The following SATB2 variants were observed in gnomAD, a reference collection of about 807,000 sequenced individuals.
The protein encoded by SATB2 is SATB homeobox 2, also known as DNA-binding protein SATB2.
SATB2 carries 1 observed loss-of-function variant against 73.4 expected under a neutral mutation model. The ratio of observed to expected loss-of-function variants is 0.01; its 90% CI spans 0.00 to 0.06. The LOEUF (loss-of-function observed/expected upper bound fraction) is 0.06, where lower values mean the gene tolerates loss of function less well. Ranked by LOEUF, SATB2 falls within the 10% of genes least tolerant of loss-of-function variation. SATB2 has a pLI of 1.00. For synonymous variants in SATB2, 397 were observed against 367.0 expected, an observed-to-expected ratio of 1.08 and a Z score of -0.93; for missense variants, 459 against 945.8, an observed-to-expected ratio of 0.49 and a Z score of 6.75.
chr2:199,293,026 G>C (rs1487885343), intron 10 of SATB2, among the ~76,000 whole-genome samples: 1 of 152,044 alleles, frequency 6.6e-6, no homozygotes, highest in Non-Finnish European at 1.5e-5. Context: ...AAAAGCCTTA[G>C]GGGAATTAAT....
intron 7 of SATB2, among the ~76,000 whole-genome samples, chr2:199,344,640 C>T (rs1688598909): frequency 6.6e-6 from 1 of 152,218 alleles, no homozygotes; most frequent in Non-Finnish European, 1.5e-5. Context: ...TGTGTTTCTT[C>T]CTTGCTCCCA....
At chr2:199,409,167 CTTTTT>C (rs67330007) in intron 3 of SATB2, among the ~76,000 whole-genome samples, 1 of 115,244 alleles carries the variant, frequency 8.7e-6, no homozygotes, top group African/African-American at 3.0e-5. Flanking sequence ...TTTTTCTTTT[CTTTTT>C]TTTTTTTTTT....
chr2:199,462,462 C>A (rs147928666), upstream of SATB2, among the ~76,000 whole-genome samples: 138 of 152,336 alleles, frequency 9.1e-4, 2 homozygotes, highest in East Asian at 0.022. This position sits in a 1 kb window ranked among gnomAD's most constrained non-coding sequence, Gnocchi z 5.9. Flanking sequence ...GGGGACGCGC[C>A]TTGGAGGACG....
At chr2:199,413,861 G>A (rs1180601793) in intron 3 of SATB2, among the ~76,000 whole-genome samples, 1 of 152,094 alleles carries the variant, frequency 6.6e-6, no homozygotes, top group East Asian at 1.9e-4. Flanking sequence ...GCATTGTGAA[G>A]ATGCTGCACT....
At chr2:199,273,175 G>A (rs923286015) in intron 10 of SATB2, among the ~76,000 whole-genome samples, 13 of 152,186 alleles carry the variant, frequency 8.5e-5, no homozygotes, top group African/African-American at 3.1e-4. Flanking sequence ...TAGAGATGTT[G>A]TAAGGATTAA....
At chr2:199,321,382 C>CAT (rs1172962224) in intron 9 of SATB2, among the ~76,000 whole-genome samples, 15 of 131,112 alleles carry the variant, frequency 1.1e-4, no homozygotes, top group Admixed American at 9.4e-4. Flanking sequence ...TATACATAGA[C>CAT]ATATATATGT....
At chr2:199,324,481 C>T (rs566798954) in intron 8 of SATB2, among the ~76,000 whole-genome samples, 49 of 152,034 alleles carry the variant, frequency 3.2e-4, no homozygotes, top group African/African-American at 1.1e-3. Context: ...ATTATGCTAC[C>T]CAGACAGTCA....
At chr2:199,373,195 T>C (rs1284090111) in intron 5 of SATB2, among the ~76,000 whole-genome samples, 2 of 152,186 alleles carry the variant, frequency 1.3e-5, no homozygotes, top group African/African-American at 4.8e-5. Flanking sequence ...TCCTCTTCTA[T>C]GTCTTCATGA....
chr2:199,315,408 C>T (rs1687703233), intron 9 of SATB2, among the ~76,000 whole-genome samples: 1 of 151,978 alleles, frequency 6.6e-6, no homozygotes, highest in African/African-American at 2.4e-5. Flanking sequence ...AATAATATGG[C>T]CCAGTGTTCA....
rs1020312347 is a variant in SATB2, at chr2:199,308,591, C to G, written c.1740+169G>C. 6.6e-6 allele frequency among the ~76,000 whole-genome samples: 1 copy of G among 152,022 alleles called. No individual in the cohort carries two copies. The highest frequency in any genetic ancestry group is 2.4e-5 in the African/African-American group (1 of 41,372). ...ACGCACATGCACACACACACACATA[C>G]ACATACACACAGTACCCACTGTGAC... On this transcript the variant is annotated intron_variant, in intron 10 of 10. Transcript: ENST00000417098. The surrounding 1 kb of genome is among the most constrained non-coding windows in gnomAD (Gnocchi z 4.6).
chr2:199,437,689 A>T (rs1691692725), intron 2 of SATB2, among the ~76,000 whole-genome samples: 1 of 152,238 alleles, frequency 6.6e-6, no homozygotes, highest in Admixed American at 6.5e-5. Context: ...TCTGTTGTGA[A>T]GATTAAACAA....
At chr2:199,447,647 G>A (rs975356078) in intron 2 of SATB2, among the ~76,000 whole-genome samples, 1 of 152,156 alleles carries the variant, frequency 6.6e-6, no homozygotes, top group African/African-American at 2.4e-5. Flanking sequence ...TGGTCAAACT[G>A]TGTATGAAGA....
intron 3 of SATB2, among the ~76,000 whole-genome samples, chr2:199,407,434 G>A (rs1323902716): frequency 6.6e-6 from 1 of 152,022 alleles, no homozygotes; most frequent in Non-Finnish European, 1.5e-5. Flanking sequence ...GGTAACTATT[G>A]TTGAAAATGA....
intron 3 of SATB2, among the ~76,000 whole-genome samples, chr2:199,386,757 CA>C (rs1689974421): frequency 8.6e-6 from 1 of 116,092 alleles, no homozygotes; most frequent in African/African-American, 2.7e-5. Context: ...CACACACACA[CA>C]CACACACACC....
chr2:199,367,607 C>T (rs1030003499), intron 6 of SATB2, among the ~76,000 whole-genome samples: 2 of 152,096 alleles, frequency 1.3e-5, no homozygotes, highest in African/African-American at 4.8e-5. Context: ...TTTACTTACC[C>T]ACCATAAATT....
intron 10 of SATB2, among the ~76,000 whole-genome samples, chr2:199,298,817 C>T (rs545029238): frequency 6.6e-6 from 1 of 152,284 alleles, no homozygotes; most frequent in Non-Finnish European, 1.5e-5. Flanking sequence ...TGCAGATGTT[C>T]TTTTCTGTTT....
intron 7 of SATB2, among the ~76,000 whole-genome samples, chr2:199,345,438 A>G (rs1039939615): frequency 5.9e-5 from 6 of 101,840 alleles, no homozygotes; most frequent in Admixed American, 1.5e-4. Flanking sequence ...CCACAAACTC[A>G]TATTTTCAAT....
intron 9 of SATB2, 129 bp from the exon 10 acceptor site, chr2:199,309,086 T>C (rs1176099343): frequency 8.6e-6 from 7 of 812,682 alleles, no homozygotes; most frequent in South Asian, 1.5e-5. Flanking sequence ...CGTGGGGAGA[T>C]AGTGAAACAG....
At chr2:199,381,431 T>C (rs1210388197) in intron 4 of SATB2, among the ~76,000 whole-genome samples, 1 of 152,186 alleles carries the variant, frequency 6.6e-6, no homozygotes, top group Admixed American at 6.5e-5. Flanking sequence ...GGGCTATAGA[T>C]TTTTAATGAT....
Sources: allele counts gnomAD v4.1 joint callset (sites outside exome capture counted in the v4.1 genomes callset), GRCh38; gene constraint gnomAD v4.1.1; non-coding constraint Gnocchi (gnomAD v3.1); transcripts MANE v1.5; gene names NCBI Gene and HGNC (gene_info 2026-07-23, HGNC 2026-07-21).